The following LMX1A variants were observed in gnomAD, a reference collection of about 807,000 sequenced individuals.
LMX1A encodes LIM homeobox transcription factor 1 alpha.
In LMX1A, 15 loss-of-function variants were observed where a neutral mutation model predicts 49.1. The ratio of observed to expected loss-of-function variants is 0.31; its 90% CI spans 0.20 to 0.47. The LOEUF (loss-of-function observed/expected upper bound fraction) is 0.47. LMX1A is among the 20% of genes least tolerant of loss of function. The pLI, the probability that LMX1A is intolerant of heterozygous loss-of-function variation, is 1.00. For missense variants in LMX1A, 372 were observed against 475.8 expected (o/e 0.78, Z 2.03); for synonymous variants, 167 against 185.7 (o/e 0.90, Z 0.82).
chr1:165,340,158 A>T (rs566040928), intron 3 of LMX1A, among the ~76,000 whole-genome samples: 1 of 152,230 alleles, frequency 6.6e-6, no homozygotes, highest in South Asian at 2.1e-4. Context: ...CCCAGGTTGG[A>T]GTGCAATGGT....
intron 3 of LMX1A, among the ~76,000 whole-genome samples, chr1:165,256,685 G>A (rs1009104898): frequency 2.0e-5 from 3 of 152,126 alleles, no homozygotes; most frequent in African/African-American, 7.2e-5. Context: ...AAACCCACTA[G>A]GCTGGATAAT....
chr1:165,312,383 G>T (rs1655100814), intron 3 of LMX1A, among the ~76,000 whole-genome samples: 1 of 152,220 alleles, frequency 6.6e-6, no homozygotes, highest in East Asian at 1.9e-4. Flanking sequence ...CATAAAACAG[G>T]TATGCTTATC....
At chr1:165,235,967 G>A (rs1296471343) in intron 4 of LMX1A, among the ~76,000 whole-genome samples, 5 of 152,160 alleles carry the variant, frequency 3.3e-5, no homozygotes. Flanking sequence ...GAATGCGCGC[G>A]GGGGCTTCAG....
In LMX1A at chr1:165,211,829, T is replaced by TTTCCC. The variant is rs968567203; in HGVS notation, c.670-1058_670-1054dup. Among the ~76,000 whole-genome samples, 20 of 152,256 alleles carry TTTCCC rather than the reference T, an allele frequency of 1.3e-4. No homozygotes were observed. The South Asian group carries it at 4.2e-3, about 32-fold the overall frequency. On this transcript the variant is annotated intron_variant, in intron 5 of 8. Transcript: ENST00000342310. ...CCTGATTGCCCAGACCAAAGTGACC[T>TTTCCC]TTCCCTTCCCTTGCTTCCTGGCTTC...
intron 3 of LMX1A, among the ~76,000 whole-genome samples, chr1:165,255,693 G>C (rs574667182): frequency 6.6e-6 from 1 of 152,286 alleles, no homozygotes; most frequent in African/African-American, 2.4e-5. Context: ...ATGAGTTCTG[G>C]TCAGGTTCAG....
intron 6 of LMX1A, among the ~76,000 whole-genome samples, chr1:165,209,357 A>T (rs2102598206): frequency 6.6e-6 from 1 of 152,286 alleles, no homozygotes; most frequent in East Asian, 1.9e-4. Flanking sequence ...AGTGATACCT[A>T]TGTGAATGTT....
In LMX1A at chr1:165,264,278, C is replaced by T. The variant is rs577190388; in HGVS notation, c.264-14638G>A. Among the ~76,000 whole-genome samples the T allele has an allele frequency of 2.1e-3, 323 of 152,154 alleles. 1 individual carries two copies. Among genetic ancestry groups the T allele is most frequent in the Admixed American group, 3.5e-3 (53 of 15,294 alleles). On this transcript the variant is annotated intron_variant, in intron 3 of 8. Coordinates refer to ENST00000342310, the MANE Select transcript of LMX1A (RefSeq NM_177398.4). The stretch of plus-strand genomic sequence containing the variant: ...TTTCATATGGCTCTGCTCCCCATAC[C>T]CAGCTCCATTCAGAGGATTAAAGAA...
intron 3 of LMX1A, among the ~76,000 whole-genome samples, chr1:165,257,017 A>AT (rs1345512323): frequency 6.6e-6 from 1 of 152,006 alleles, no homozygotes; most frequent in Non-Finnish European, 1.5e-5. Flanking sequence ...GTTAGAACAT[A>AT]TTTCAGCTCC....
intron 3 of LMX1A, among the ~76,000 whole-genome samples, chr1:165,349,372 G>A (rs1480199538): frequency 6.6e-6 from 1 of 152,182 alleles, no homozygotes; most frequent in Admixed American, 6.5e-5. Flanking sequence ...CCCCTAGGCT[G>A]GAAAATATTT....
At chr1:165,207,332 C>T (rs1651130393) in intron 7 of LMX1A, 1 of 151,934 alleles carries the variant, frequency 6.6e-6, no homozygotes, top group Admixed American at 6.6e-5. Flanking sequence ...CTTTAACTTC[C>T]ATGAAGTCTC....
intron 3 of LMX1A, among the ~76,000 whole-genome samples, chr1:165,281,705 GC>G: frequency 6.6e-6 from 1 of 151,754 alleles, no homozygotes; most frequent in Non-Finnish European, 1.5e-5. Context: ...TGCCCACTTA[GC>G]CAACTGTACA....
chr1:165,301,210 C>T (rs991794346), intron 3 of LMX1A, among the ~76,000 whole-genome samples: 1 of 152,166 alleles, frequency 6.6e-6, no homozygotes, highest in African/African-American at 2.4e-5. Context: ...CCCTTTAACA[C>T]GTGGACTTTC....
rs1202647930 is a variant in LMX1A at position 165,355,729 on chromosome 1, G to A, written c.-22-148C>T. 4 of 627,096 alleles carry A rather than the reference G, an allele frequency of 6.4e-6. No homozygotes were observed. In the Admixed American group the frequency reaches 8.1e-5, roughly 13 times the overall value. The allele number at this position is 627,096 out of a possible 1,614,324, so 38.8% of individuals were successfully genotyped here. On this transcript the variant is annotated intron_variant, in intron 1 of 8. Transcript: ENST00000342310. The surrounding 1 kb of genome is among the most constrained non-coding windows in gnomAD (Gnocchi z 4.7). ...ATAGGGTCCAGCCAAGAGAATGTAG[G>A]GTGGGAGGAGAGATCAGTCACAGCG...
intron 3 of LMX1A, among the ~76,000 whole-genome samples, chr1:165,283,449 A>C (rs71628373): frequency 6.6e-6 from 1 of 152,062 alleles, no homozygotes; most frequent in Non-Finnish European, 1.5e-5. Context: ...TTACTGGTCA[A>C]ATGTCCTGCC....
chr1:165,257,393 G>A (rs1653287875), intron 3 of LMX1A, among the ~76,000 whole-genome samples: 1 of 151,972 alleles, frequency 6.6e-6, no homozygotes, highest in South Asian at 2.1e-4. Flanking sequence ...TTTGTAGAAG[G>A]TCTTGAGACT....
chr1:165,350,826 T>C (rs1427992281), intron 3 of LMX1A, among the ~76,000 whole-genome samples: 1 of 152,202 alleles, frequency 6.6e-6, no homozygotes, highest in Non-Finnish European at 1.5e-5. Context: ...TCCAAAAATA[T>C]TTTTAAAATA....
At chr1:165,330,361 C>T (rs1348667731) in intron 3 of LMX1A, among the ~76,000 whole-genome samples, 1 of 152,216 alleles carries the variant, frequency 6.6e-6, no homozygotes, top group East Asian at 1.9e-4. Context: ...GTAGTCCCAA[C>T]TATTTGGGAG....
chr1:165,239,723 T>C (rs1464145554), intron 4 of LMX1A, among the ~76,000 whole-genome samples: 1 of 152,194 alleles, frequency 6.6e-6, no homozygotes, highest in Non-Finnish European at 1.5e-5. Flanking sequence ...ATGAAGACCT[T>C]TGTACTAGTC....
chr1:165,270,570 T>C (rs1653764335), intron 3 of LMX1A, among the ~76,000 whole-genome samples: 1 of 152,050 alleles, frequency 6.6e-6, no homozygotes, highest in South Asian at 2.1e-4. Flanking sequence ...AGTTAGAAAA[T>C]GAACCAGGTT....
Sources: gnomAD v4.1 joint callset for allele counts (sites outside exome capture counted in the v4.1 genomes callset) on GRCh38, gnomAD v4.1.1 for gene constraint, Gnocchi (gnomAD v3.1) non-coding constraint, MANE v1.5 for transcripts, NCBI Gene and HGNC (gene_info 2026-07-23, HGNC 2026-07-21) for gene names.